KCNK5: variants seen among roughly 807,000 people sequenced by gnomAD.
KCNK5 encodes the protein potassium channel subfamily K member 5.
In KCNK5, 18 loss-of-function variants were observed where a neutral mutation model predicts 32.9. That is an observed-to-expected ratio of 0.55 (90% confidence interval 0.38 to 0.81). The LOEUF (loss-of-function observed/expected upper bound fraction) is 0.81. KCNK5 is among the 30% of genes least tolerant of loss of function. The probability of loss-of-function intolerance (pLI) is 0.00; values close to 1 mark genes in which losing one functional copy is unlikely to be tolerated. For synonymous variants in KCNK5, 276 were observed against 275.3 expected (o/e 1.00, Z -0.03); for missense variants, 507 against 651.0 (o/e 0.78, Z 2.41).
In KCNK5 at chr6:39,210,138, C is replaced by A. The variant is rs77239213; in HGVS notation, c.187-14151G>T. On this transcript the variant is annotated intron_variant, in intron 1 of 4. Transcript: ENST00000359534. ...GCCTCACACAGCTGCATCCTGTCCC[C>A]CTGTGAACTGTTTTCAGTGAGTGGT... Among the ~76,000 whole-genome samples the A allele has an allele frequency of 5.2e-3, 795 of 152,276 alleles. 15 individuals are homozygous for A. In the East Asian group the frequency reaches 0.065, roughly 12 times the overall value.
At chr6:39,199,622 T>C (rs889326182) in intron 1 of KCNK5, among the ~76,000 whole-genome samples, 7 of 152,044 alleles carry the variant, frequency 4.6e-5, no homozygotes, top group Non-Finnish European at 7.4e-5. Flanking sequence ...CTGGGCTAGG[T>C]TGTAGACTGT....
At position 39,191,891 on chromosome 6, in the gene KCNK5, G is replaced by T. The variant is rs562661290; in HGVS notation, c.635-136C>A. Reference sequence around the variant, plus strand: ...GGTGCAGTGGGATAGAAAGGGGCCTGTTCTAGACCCTGGACTATCCCATCT... The same window carrying T: ...GGTGCAGTGGGATAGAAAGGGGCCTTTTCTAGACCCTGGACTATCCCATCT... On this transcript the variant is annotated intron_variant, in intron 4 of 4. Transcript: ENST00000359534. This position sits in a 1 kb window ranked among gnomAD's most constrained non-coding sequence, Gnocchi z 5.8. 2 of 889,306 alleles carry T rather than the reference G, an allele frequency of 2.2e-6. No homozygotes were observed. Among genetic ancestry groups the T allele is most frequent in the Non-Finnish European group, 1.7e-6 (1 of 584,824 alleles). 55.1% of individuals were successfully genotyped at this position (889,306 alleles called of 1,614,324 possible).
chr6:39,197,576 T>G (rs1004880562), intron 1 of KCNK5, among the ~76,000 whole-genome samples: 1 of 152,206 alleles, frequency 6.6e-6, no homozygotes, highest in Non-Finnish European at 1.5e-5. Context: ...TAAAGGACAT[T>G]TAGATACTAA....
intron 1 of KCNK5, among the ~76,000 whole-genome samples, chr6:39,201,846 G>A (rs1771138483): frequency 6.6e-6 from 1 of 152,136 alleles, no homozygotes; most frequent in Admixed American, 6.5e-5. Flanking sequence ...AAAGTTTACT[G>A]TATTTTAGTT....
At chr6:39,202,671 A>G (rs1364595030) in intron 1 of KCNK5, among the ~76,000 whole-genome samples, 1 of 152,204 alleles carries the variant, frequency 6.6e-6, no homozygotes, top group East Asian at 1.9e-4. Context: ...GAAATTGCAC[A>G]TCTACTTCCA....
intron 1 of KCNK5, among the ~76,000 whole-genome samples, chr6:39,223,540 T>G (rs1264331629): frequency 6.6e-6 from 1 of 152,216 alleles, no homozygotes; most frequent in Admixed American, 6.5e-5. Context: ...TATGGTCTCC[T>G]ACCTCACTTC....
intron 1 of KCNK5, among the ~76,000 whole-genome samples, chr6:39,210,264 C>A (rs1405496330): frequency 6.6e-6 from 1 of 152,158 alleles, no homozygotes; most frequent in African/African-American, 2.4e-5. Context: ...AGCTAAACAA[C>A]TGACCAAGCA....
chr6:39,205,545 T>A (rs540302158), intron 1 of KCNK5, among the ~76,000 whole-genome samples: 1 of 152,330 alleles, frequency 6.6e-6, no homozygotes, highest in Admixed American at 6.5e-5. Context: ...TGCTGGTGTC[T>A]CTGCCCTATC....
In KCNK5 at chr6:39,190,765, T is replaced by TGGCCCCCCACTCCCAGTTCCGAGGC; in HGVS notation, c.*100_*124dup. ...GATGATGGAAGGTTAGGAAGGCCCCTGGCCCCCCACTCCCAGTTCCGAGGC... is the reference window on the plus strand; with the variant it reads ...GATGATGGAAGGTTAGGAAGGCCCCTGGCCCCCCACTCCCAGTTCCGAGGCGGCCCCCCACTCCCAGTTCCGAGGC... On this transcript the variant is annotated 3_prime_UTR_variant, in exon 5 of 5. Transcript: ENST00000359534. 1.0e-6 allele frequency: 1 copy of TGGCCCCCCACTCCCAGTTCCGAGGC among 952,386 alleles called. No individual in the cohort carries two copies. The allele number at this position is 952,386 out of a possible 1,614,324, so 59.0% of individuals were successfully genotyped here. A position where few individuals can be genotyped will look rare whatever the true frequency, so the allele number is the denominator to read the frequency against.
rs1360054109 is a variant in KCNK5 at position 39,194,597 on chromosome 6, A to G, written c.462T>C (p.Ser154=). Residue 154 remains serine, a synonymous_variant, in exon 3 of 5, where the codon AGT becomes AGC. Transcript: ENST00000359534. This position sits in a 1 kb window ranked among gnomAD's most constrained non-coding sequence, Gnocchi z 4.7. ...LGQFLTKRGV[S]LRKAQITCTV... ...ACACCCAGGGTAGGGGACATACCAG[A>G]CTCACACCTCTCTTGGTAAGGAACT... 1 of 1,613,978 alleles carries G rather than the reference A, an allele frequency of 6.2e-7. No individual in the cohort carries two copies. The highest frequency in any genetic ancestry group is 1.3e-5 in the African/African-American group (1 of 74,992).
chr6:39,191,208 C>T lies in KCNK5; in HGVS notation c.1182G>A (p.Gln394=). Residue 394 remains glutamine, a synonymous_variant, in exon 5 of 5, where the codon CAG becomes CAA. Coordinates refer to ENST00000359534, the MANE Select transcript of KCNK5 (RefSeq NM_003740.4). This position sits in a 1 kb window ranked among gnomAD's most constrained non-coding sequence, Gnocchi z 5.8. ...CGCATTCCTCGCTGATGCGGTCCAG[C>T]TGGTTCATGAACACCTCGGGGGCAG... The part of the protein sequence containing the change: ...SSPAPEVFMN[Q]LDRISEECEP... 6.2e-7 allele frequency: 1 copy of T among 1,614,224 alleles called. No homozygotes were observed. The highest frequency in any genetic ancestry group is 8.5e-7 in the Non-Finnish European group (1 of 1,180,050).
At chr6:39,208,714 G>A (rs942030429) in intron 1 of KCNK5, among the ~76,000 whole-genome samples, 3 of 152,232 alleles carry the variant, frequency 2.0e-5, no homozygotes, top group Non-Finnish European at 4.4e-5. Context: ...GATCCTGAAC[G>A]CAAACCCCAC....
chr6:39,195,839 A>T (rs773973385), intron 2 of KCNK5, 37 bp downstream of exon 2: 17 of 1,504,440 alleles, frequency 1.1e-5, no homozygotes, highest in Non-Finnish European at 1.4e-5. Flanking sequence ...GAGCTAGGGC[A>T]TGGATGTGGG....
At chr6:39,218,718 C>T (rs888935026) in intron 1 of KCNK5, among the ~76,000 whole-genome samples, 3 of 152,154 alleles carry the variant, frequency 2.0e-5, no homozygotes, top group Non-Finnish European at 4.4e-5. Context: ...CTGCTGGCAA[C>T]ACCCTGCAAA....
Position 39,194,621 on chromosome 6 carries a change from C to A in KCNK5, c.438G>T (p.Gln146His). ...GACTCACACCTCTCTTGGTAAGGAA[C>A]TGCCCTAGTCTCTTGGCACGTCCCC... ...FFGGRAKRLG[Q>H]FLTKRGVSLR... Residue 146 changes from glutamine (Q) to histidine (H), a missense_variant, in exon 3 of 5, where the codon CAG (glutamine) becomes CAT (histidine). Gln to His is a conservative substitution (Grantham distance 24, BLOSUM62 0). This residue lies in a region of KCNK5 where 143 missense variants were observed against 219.1 expected (regional missense o/e 0.65). Coordinates refer to ENST00000359534, the MANE Select transcript of KCNK5 (RefSeq NM_003740.4). The surrounding 1 kb of genome is among the most constrained non-coding windows in gnomAD (Gnocchi z 4.7). 1 of 1,614,186 alleles carries A rather than the reference C, an allele frequency of 6.2e-7. No homozygotes were observed.
chr6:39,222,919 T>A lies in KCNK5; in HGVS notation c.186+6007A>T, dbSNP rs949095038. ...AATTGTTGTTGAAGGGGGTATAATT[T>A]CAGTTTTGCAAAATGAAAAAGCTCT... is the stretch of plus-strand genomic sequence containing the variant. On this transcript the variant is annotated intron_variant, in intron 1 of 4. Coordinates refer to ENST00000359534, the MANE Select transcript of KCNK5 (RefSeq NM_003740.4). 4.6e-5 allele frequency among the ~76,000 whole-genome samples: 7 copies of A among 152,180 alleles called. 1 individual carries two copies. Among genetic ancestry groups the A allele is most frequent in the Admixed American group, 4.6e-4 (7 of 15,286 alleles).
chr6:39,196,899 G>A (rs565127985), intron 1 of KCNK5, among the ~76,000 whole-genome samples: 180 of 152,302 alleles, frequency 1.2e-3, no homozygotes, highest in Non-Finnish European at 1.8e-3. Context: ...CAGAGGTGTG[G>A]GGAACTTATC....
intron 1 of KCNK5, among the ~76,000 whole-genome samples, chr6:39,225,314 T>C (rs1194728753): frequency 2.0e-5 from 3 of 152,242 alleles, no homozygotes; most frequent in Non-Finnish European, 4.4e-5. Flanking sequence ...GACTCCGCTC[T>C]ATGTGATCCC....
intron 2 of KCNK5, 123 bp downstream of exon 2, chr6:39,195,753 A>G (rs945957591): frequency 2.3e-5 from 14 of 608,700 alleles, no homozygotes; most frequent in African/African-American, 1.9e-4. Flanking sequence ...GTATCAAAAG[A>G]ATAGCCTGCA....
Sources: allele counts gnomAD v4.1 joint callset (sites outside exome capture counted in the v4.1 genomes callset), GRCh38; gene constraint gnomAD v4.1.1; regional missense constraint gnomAD v4.1.1; non-coding constraint Gnocchi (gnomAD v3.1); transcripts MANE v1.5; gene names NCBI Gene and HGNC (gene_info 2026-07-23, HGNC 2026-07-21).